TRAPPC12: variants seen among roughly 807,000 people sequenced by gnomAD.
TRAPPC12 encodes the protein trafficking protein particle complex subunit 12, also known as TPR repeat protein 15.
TRAPPC12 carries 61 observed loss-of-function variants against 69.2 expected under a neutral mutation model. The ratio of observed to expected loss-of-function variants is 0.88; its 90% confidence interval spans 0.72 to 1.09. TRAPPC12 has a LOEUF of 1.09. TRAPPC12 is among the 50% of genes least tolerant of loss of function. The pLI, the probability that TRAPPC12 is intolerant of heterozygous loss-of-function variation, is 0.00. For missense variants in TRAPPC12, 1,101 were observed against 1,016.4 expected (o/e 1.08, Z -1.13); for synonymous variants, 469 against 438.9 (o/e 1.07, Z -0.86).
chr2:3,478,693 G>A (rs1167886630), intron 10 of TRAPPC12, 153 bp from the exon 11 acceptor site: 4 of 613,854 alleles, frequency 6.5e-6, no homozygotes, highest in East Asian at 5.5e-5. Context: ...AATGCAAAAC[G>A]CAGCTCACCG....
At chr2:3,410,399 T>A (rs1291539892) in intron 3 of TRAPPC12, among the ~76,000 whole-genome samples, 4 of 152,188 alleles carry the variant, frequency 2.6e-5, no homozygotes, top group Non-Finnish European at 4.4e-5. Flanking sequence ...GCTTTATTTT[T>A]AATAGTTGTG....
intron 5 of TRAPPC12, among the ~76,000 whole-genome samples, chr2:3,428,683 C>A (rs1048965974): frequency 2.6e-5 from 4 of 152,196 alleles, no homozygotes; most frequent in Non-Finnish European, 4.4e-5. Context: ...TCAGCCACCC[C>A]CAAAGCCCAG....
intron 3 of TRAPPC12, among the ~76,000 whole-genome samples, chr2:3,403,669 G>C (rs185065863): frequency 7.7e-4 from 118 of 152,342 alleles, no homozygotes; most frequent in Middle Eastern, 3.4e-3. Flanking sequence ...CAGAAAATGA[G>C]AATGTTTTAA....
At chr2:3,393,881 G>C (rs1660970851) in intron 2 of TRAPPC12, among the ~76,000 whole-genome samples, 1 of 152,154 alleles carries the variant, frequency 6.6e-6, no homozygotes, top group African/African-American at 2.4e-5. Context: ...AATAACCTGT[G>C]TAACCTAAGG....
chr2:3,423,623 G>T (rs1266617041), intron 4 of TRAPPC12, among the ~76,000 whole-genome samples: 1 of 150,544 alleles, frequency 6.6e-6, no homozygotes, highest in African/African-American at 2.4e-5. Context: ...TGGCTTGTTT[G>T]TCTAACGTCA....
intron 10 of TRAPPC12, 38 bp downstream of exon 10, chr2:3,477,833 T>A (rs1370477820): frequency 2.7e-6 from 4 of 1,458,200 alleles, no homozygotes; most frequent in Non-Finnish European, 2.8e-6. Context: ...TTTCTCAAAT[T>A]TCCCAGAGGC....
At position 3,414,937 on chromosome 2, in the gene TRAPPC12, G is replaced by A. The variant is rs1049314113; in HGVS notation, c.1165-6944G>A. The stretch of plus-strand genomic sequence containing the variant: ...ACCACCCGCAGTTGGGAAACACAGT[G>A]AGGTATGCACAGCAACCTTTCAGCT... On this transcript the variant is annotated intron_variant, in intron 3 of 11. Coordinates refer to ENST00000324266, the MANE Select transcript of TRAPPC12 (RefSeq NM_016030.6). The surrounding 1 kb of genome is among the most constrained non-coding windows in gnomAD (Gnocchi z 4.9). 6.6e-6 allele frequency among the ~76,000 whole-genome samples: 1 copy of A among 152,190 alleles called. No individual in the cohort carries two copies. Among genetic ancestry groups the A allele is most frequent in the Non-Finnish European group, 1.5e-5 (1 of 68,036 alleles).
At chr2:3,468,936 C>T (rs1307201616) in intron 9 of TRAPPC12, among the ~76,000 whole-genome samples, 1 of 152,164 alleles carries the variant, frequency 6.6e-6, no homozygotes, top group Non-Finnish European at 1.5e-5. Flanking sequence ...TGGGGTTGAA[C>T]GGGGACTCGA....
chr2:3,471,136 C>T (rs1325348249), intron 9 of TRAPPC12, among the ~76,000 whole-genome samples: 1 of 152,190 alleles, frequency 6.6e-6, no homozygotes, highest in Non-Finnish European at 1.5e-5. Flanking sequence ...TTGTGTTAGG[C>T]CTCCGAGGAG....
intron 6 of TRAPPC12, among the ~76,000 whole-genome samples, chr2:3,451,823 C>A (rs1334514701): frequency 6.6e-6 from 1 of 152,170 alleles, no homozygotes; most frequent in Non-Finnish European, 1.5e-5. Flanking sequence ...CCACCATGTC[C>A]AGCCCAGAAT....
At chr2:3,407,551 T>C (rs1042682630) in intron 3 of TRAPPC12, among the ~76,000 whole-genome samples, 3 of 152,100 alleles carry the variant, frequency 2.0e-5, no homozygotes, top group Non-Finnish European at 4.4e-5. Flanking sequence ...TCATTGAAAA[T>C]AGAGGAGGGG....
chr2:3,385,029 T>C (rs1660430425), intron 1 of TRAPPC12, among the ~76,000 whole-genome samples: 1 of 152,218 alleles, frequency 6.6e-6, no homozygotes, highest in Admixed American at 6.5e-5. Context: ...ACCCTTGAAG[T>C]GAAGAAGCTA....
chr2:3,471,149 G>A (rs1572209458), intron 9 of TRAPPC12, among the ~76,000 whole-genome samples: 1 of 152,224 alleles, frequency 6.6e-6, no homozygotes, highest in Non-Finnish European at 1.5e-5. Context: ...CCGAGGAGCT[G>A]ACTTTCAATT....
chr2:3,384,246 A>T (rs1367551613), intron 1 of TRAPPC12, among the ~76,000 whole-genome samples: 1 of 152,166 alleles, frequency 6.6e-6, no homozygotes, highest in African/African-American at 2.4e-5. Flanking sequence ...TACATAAATA[A>T]TCATACACGA....
chr2:3,468,614 G>A (rs375554252), intron 9 of TRAPPC12, among the ~76,000 whole-genome samples: 10 of 152,132 alleles, frequency 6.6e-5, no homozygotes, highest in African/African-American at 1.9e-4. Context: ...GTGTAAGGGC[G>A]GCATTCCCAG....
Position 3,424,675 on chromosome 2 carries a change from G to T in TRAPPC12, c.1417+12G>T, listed in dbSNP as rs756764118. The T allele has an allele frequency of 6.4e-7, 1 of 1,574,580 alleles. No individual in the cohort carries two copies. The highest frequency in any genetic ancestry group is 2.0e-5 in the Admixed American group (1 of 50,462). On this transcript the variant is annotated intron_variant, in intron 5 of 11. Transcript: ENST00000324266. ...CCCTGGGCGCAGGGGTAAGGCCATGGTATTTAATATTTGTACATTTGTCTG... is the reference window on the plus strand; with the variant it reads ...CCCTGGGCGCAGGGGTAAGGCCATGTTATTTAATATTTGTACATTTGTCTG...
At chr2:3,469,217 A>T (rs899455500) in intron 9 of TRAPPC12, among the ~76,000 whole-genome samples, 2 of 152,180 alleles carry the variant, frequency 1.3e-5, no homozygotes, top group Non-Finnish European at 2.9e-5. Context: ...CAGTACCTGT[A>T]TCTTAATTAT....
At chr2:3,479,059 C>A in intron 11 of TRAPPC12, 126 bp downstream of exon 11, 1 of 1,477,692 alleles carries the variant, frequency 6.8e-7, no homozygotes, top group Non-Finnish European at 9.2e-7. Context: ...CAGGCAGTGG[C>A]TGTGGCCCTT....
intron 2 of TRAPPC12, among the ~76,000 whole-genome samples, chr2:3,400,117 C>T (rs1325370473): frequency 6.6e-6 from 1 of 152,216 alleles, no homozygotes; most frequent in Admixed American, 6.5e-5. Context: ...GCAGCTGCTG[C>T]GGGCCAGACG....
Sources: allele counts gnomAD v4.1 joint callset (sites outside exome capture counted in the v4.1 genomes callset), GRCh38; gene constraint gnomAD v4.1.1; non-coding constraint Gnocchi (gnomAD v3.1); transcripts MANE v1.5; gene names NCBI Gene and HGNC (gene_info 2026-07-23, HGNC 2026-07-21).